The following ADK variants were observed in gnomAD, a reference collection of about 807,000 sequenced individuals.
ADK encodes N6,N6-dimethyladenosine kinase.
A neutral mutation model predicts 44.7 loss-of-function variants in ADK; 24 were observed. The ratio of observed to expected loss-of-function variants is 0.54; its 90% confidence interval spans 0.39 to 0.76. The LOEUF is 0.76. ADK is among the 30% of genes least tolerant of loss of function. The probability of loss-of-function intolerance (pLI) is 0.00; values close to 1 mark genes in which losing one functional copy is unlikely to be tolerated. For synonymous variants in ADK, 128 were observed against 142.6 expected, an observed-to-expected ratio of 0.90 and a Z score of 0.73; for missense variants, 321 against 425.1, an observed-to-expected ratio of 0.76 and a Z score of 2.15.
At chr10:74,564,528 C>T (rs1352037069) in intron 7 of ADK, among the ~76,000 whole-genome samples, 2 of 152,140 alleles carry the variant, frequency 1.3e-5, no homozygotes, top group Non-Finnish European at 2.9e-5. Context: ...ACAAACCTTT[C>T]CTGACTAACC....
intron 6 of ADK, among the ~76,000 whole-genome samples, chr10:74,449,047 C>T (rs972991831): frequency 1.3e-5 from 2 of 152,018 alleles, no homozygotes; most frequent in Non-Finnish European, 2.9e-5. Context: ...GTTGGTTGAT[C>T]GATTTTGAGG....
Position 74,703,530 on chromosome 10 carries a change from G to A in ADK, c.965-4791G>A, listed in dbSNP as rs185813694. Among the ~76,000 whole-genome samples the A allele has an allele frequency of 3.3e-5, 5 of 152,210 alleles. No individual in the cohort carries two copies. The East Asian group carries it at 9.6e-4, about 29-fold the overall frequency. On this transcript the variant is annotated intron_variant, in intron 10 of 10. Transcript: ENST00000539909. ...TTAAAAATGAGGTGAGGTAAGTTAT[G>A]ACTATATTCTTCAAAAATGTCCGTA...
intron 1 of ADK, among the ~76,000 whole-genome samples, chr10:74,181,456 C>T (rs1394282450): frequency 2.0e-5 from 3 of 152,070 alleles, no homozygotes; most frequent in Admixed American, 2.0e-4. Flanking sequence ...ATATCAGATT[C>T]CTACTGGTCT....
chr10:74,302,754 C>T (rs896093936), intron 3 of ADK, among the ~76,000 whole-genome samples: 4 of 152,100 alleles, frequency 2.6e-5, no homozygotes, highest in African/African-American at 9.7e-5. Context: ...CCAAATCGTG[C>T]CACTGCACTC....
chr10:74,646,325 G>A (rs74334085), intron 9 of ADK, among the ~76,000 whole-genome samples: 237 of 152,308 alleles, frequency 1.6e-3, no homozygotes, highest in African/African-American at 5.6e-3. Flanking sequence ...GGACTGAAAG[G>A]CAGTGAAAGA....
rs140399511 is a variant in ADK, at chr10:74,192,301, C to T, written c.66-8463C>T. The stretch of plus-strand genomic sequence containing the variant: ...GGAGTGCAGTGCCGCGATCTTGGCT[C>T]ACCACAACCTCCGCCTCCCGGGTTC... On this transcript the variant is annotated intron_variant, in intron 1 of 10. Coordinates refer to ENST00000539909, the MANE Select transcript of ADK (RefSeq NM_006721.4). 8.3e-3 allele frequency among the ~76,000 whole-genome samples: 1,263 copies of T among 152,070 alleles called. 9 individuals carry two copies. Among genetic ancestry groups the T allele is most frequent in the Non-Finnish European group, 0.012 (840 of 67,994 alleles).
intron 7 of ADK, among the ~76,000 whole-genome samples, chr10:74,574,529 C>T (rs779617067): frequency 1.3e-5 from 2 of 152,156 alleles, no homozygotes; most frequent in Non-Finnish European, 2.9e-5. Flanking sequence ...CTTTATTGTA[C>T]TCTTTGATAT....
At chr10:74,363,063 C>T (rs924805872) in intron 4 of ADK, among the ~76,000 whole-genome samples, 4 of 152,210 alleles carry the variant, frequency 2.6e-5, no homozygotes, top group African/African-American at 9.7e-5. Context: ...TGGCTCACCT[C>T]ATTGGCTCAG....
At chr10:74,540,081 T>G (rs1849573786) in intron 7 of ADK, among the ~76,000 whole-genome samples, 1 of 152,212 alleles carries the variant, frequency 6.6e-6, no homozygotes, top group Non-Finnish European at 1.5e-5. Flanking sequence ...ATGAAATGCT[T>G]TTAAATCATC....
rs907811487 is a variant in ADK at position 74,525,901 on chromosome 10, C to T, written c.726+475C>T. On this transcript the variant is annotated intron_variant, in intron 7 of 10. Transcript: ENST00000539909. ...AACTCCTGACCTCAGGTGATCTGAT[C>T]GCCTCAGCCTCCCAAAGTGCTAGGA... Among the ~76,000 whole-genome samples the T allele has an allele frequency of 5.3e-5, 8 of 152,054 alleles. 1 individual carries two copies. The South Asian group carries it at 1.0e-3, about 20-fold the overall frequency.
intron 10 of ADK, among the ~76,000 whole-genome samples, chr10:74,694,344 AG>A (rs1323906959): frequency 7.9e-5 from 12 of 151,734 alleles, no homozygotes; most frequent in African/African-American, 2.9e-4. Context: ...TGAGGCCAGA[AG>A]TTGGAGACCA....
intron 3 of ADK, among the ~76,000 whole-genome samples, chr10:74,260,606 CTT>C (rs1846006557): frequency 6.6e-6 from 1 of 152,188 alleles, no homozygotes; most frequent in African/African-American, 2.4e-5. Context: ...TTAGGTGACT[CTT>C]TATCTCACAC....
chr10:74,333,835 G>T (rs1304781067), intron 4 of ADK, among the ~76,000 whole-genome samples: 1 of 152,030 alleles, frequency 6.6e-6, no homozygotes, highest in Non-Finnish European at 1.5e-5. Context: ...TAAGTAGTTG[G>T]CAACTGAAAG....
At chr10:74,467,286 A>G (rs1226778210) in intron 6 of ADK, among the ~76,000 whole-genome samples, 1 of 152,184 alleles carries the variant, frequency 6.6e-6, no homozygotes, top group African/African-American at 2.4e-5. Context: ...GTGCAAGCCT[A>G]TATCTAAGAA....
intron 4 of ADK, among the ~76,000 whole-genome samples, chr10:74,387,690 T>G (rs1282646208): frequency 1.3e-5 from 2 of 152,214 alleles, no homozygotes; most frequent in African/African-American, 4.8e-5. Context: ...ATGCTGCTTT[T>G]TTACTATTGC....
At chr10:74,523,291 T>C (rs955356408) in intron 6 of ADK, among the ~76,000 whole-genome samples, 5 of 152,188 alleles carry the variant, frequency 3.3e-5, no homozygotes, top group African/African-American at 1.2e-4. Context: ...CCTTACTTTC[T>C]CACCATTCCT....
rs903876857 is a variant in ADK at position 74,525,383 on chromosome 10, T to C, written c.683T>C (p.Met228Thr). 4.3e-6 allele frequency: 7 copies of C among 1,613,630 alleles called. No homozygotes were observed. In the Admixed American group the frequency reaches 5.0e-5, roughly 12 times the overall value. Residue 228 changes from methionine to threonine, a missense_variant, in exon 7 of 11, where the codon ATG becomes ACG. Physicochemically the swap from Met to Thr is moderately conservative, Grantham distance 81 (BLOSUM62 -1). Coordinates refer to ENST00000539909, the MANE Select transcript of ADK (RefSeq NM_006721.4). Reference protein sequence around the residue: ...FISQFYKESLMKVMPYVDILF... With the variant: ...FISQFYKESLTKVMPYVDILF... Reference sequence around the variant, plus strand: ...AGCCAGTTCTACAAGGAATCATTGATGAAAGTTATGCCTTATGTTGATATA... The same window carrying C: ...AGCCAGTTCTACAAGGAATCATTGACGAAAGTTATGCCTTATGTTGATATA...
At position 74,412,218 on chromosome 10, in the gene ADK, T is replaced by C. The variant is rs569584040; in HGVS notation, c.555+13639T>C. ...TTTTTTTTAAACAGGGTTTTACTCCTGTCACTCAGGCAGGGAAGTGCAGTA... is the reference window on the plus strand; with the variant it reads ...TTTTTTTTAAACAGGGTTTTACTCCCGTCACTCAGGCAGGGAAGTGCAGTA... On this transcript the variant is annotated intron_variant, in intron 6 of 10. Coordinates refer to ENST00000539909, the MANE Select transcript of ADK (RefSeq NM_006721.4). Among the ~76,000 whole-genome samples, 30 of 152,296 alleles carry C rather than the reference T, an allele frequency of 2.0e-4. No homozygotes were observed. The South Asian group carries it at 6.0e-3, about 31-fold the overall frequency.
At chr10:74,226,439 A>T (rs1425446533) in intron 3 of ADK, among the ~76,000 whole-genome samples, 1 of 152,146 alleles carries the variant, frequency 6.6e-6, no homozygotes, top group Non-Finnish European at 1.5e-5. Context: ...AGTTTTAAAC[A>T]TATGTTATGT....
Sources: gnomAD v4.1 joint callset for allele counts (sites outside exome capture counted in the v4.1 genomes callset) on GRCh38, gnomAD v4.1.1 for gene constraint, MANE v1.5 for transcripts, NCBI Gene and HGNC (gene_info 2026-07-23, HGNC 2026-07-21) for gene names.